The following RYR3 variants were observed in gnomAD, a reference collection of about 807,000 sequenced individuals.
The protein encoded by RYR3 is ryanodine receptor 3.
A neutral mutation model predicts 584.3 loss-of-function variants in RYR3; 207 were observed. The observed-to-expected ratio is 0.35, with a 90% CI of 0.32 to 0.40. RYR3 has a LOEUF of 0.40. RYR3 is among the 10% of genes least tolerant of loss of function. RYR3 has a pLI of 1.00. For missense variants in RYR3, 5,616 were observed against 6,089.2 expected (o/e 0.92, Z 2.59); for synonymous variants, 2,416 against 2,248.5 (o/e 1.07, Z -2.11).
chr15:33,687,739 A>C (rs1398950268), intron 38 of RYR3, among the ~76,000 whole-genome samples: 1 of 152,200 alleles, frequency 6.6e-6, no homozygotes, highest in African/African-American at 2.4e-5. Flanking sequence ...AACAGAACAG[A>C]GGCCTCAGAA....
intron 1 of RYR3, among the ~76,000 whole-genome samples, chr15:33,316,202 A>G: frequency 6.6e-6 from 1 of 152,202 alleles, no homozygotes; most frequent in East Asian, 1.9e-4. Flanking sequence ...TATTTAAATA[A>G]GGCATAGCTA....
chr15:33,662,588 T>C lies in RYR3; in HGVS notation c.5058T>C (p.Ile1686=). The C allele has an allele frequency of 6.2e-7, 1 of 1,613,948 alleles. No individual in the cohort carries two copies. The highest frequency in any genetic ancestry group is 8.5e-7 in the Non-Finnish European group (1 of 1,179,878). ...ATCACCAAAAGCAGAGCCCCGAGAT[T>C]CCCTTGGAGAGTCTCAGGACGAAGG... ...GEDHQKQSPE[I]PLESLRTKAL... is the part of the protein sequence containing the mutation. Residue 1686 remains isoleucine, a synonymous_variant, in exon 35 of 104, where the codon ATT becomes ATC. Transcript: ENST00000634891.
At position 33,790,294 on chromosome 15, in the gene RYR3, T is replaced by TTTTGTTTG. The variant is rs140040670; in HGVS notation, c.9830+1860_9830+1867dup. 3.2e-3 allele frequency among the ~76,000 whole-genome samples: 475 copies of TTTTGTTTG among 150,292 alleles called. 1 individual carries two copies. The highest frequency in any genetic ancestry group is 0.031 in the Middle Eastern group (9 of 294). On this transcript the variant is annotated intron_variant, in intron 67 of 103. Transcript: ENST00000634891. Reference sequence around the variant, plus strand: ...AGGCGTGAGCCACCTTGCCCAGCCCTTTTGTTTGTTTGTTTGTTTGTTTGT... The same window carrying TTTTGTTTG: ...AGGCGTGAGCCACCTTGCCCAGCCCTTTTGTTTGTTTGTTTGTTTGTTTGTTTGTTTGT...
At chr15:33,850,204 C>A (rs1050056539) in intron 94 of RYR3, 2 of 151,912 alleles carry the variant, frequency 1.3e-5, no homozygotes, top group Non-Finnish European at 2.9e-5. Flanking sequence ...CATAGTGAAA[C>A]CCCGTCTCTA....
rs749768239 is a variant in RYR3, at chr15:33,859,760, A to G, written c.14299+29A>G. On this transcript the variant is annotated intron_variant, in intron 100 of 103. Coordinates refer to ENST00000634891, the MANE Select transcript of RYR3 (RefSeq NM_001036.6). ...TGATTGCCAATTGTGTTGAGTATGA[A>G]CAGGGTTTAATCTAGTTCTTTTTGC... 6 of 1,585,058 alleles carry G rather than the reference A, an allele frequency of 3.8e-6. No individual in the cohort carries two copies. In the South Asian group the frequency reaches 6.8e-5, roughly 18 times the overall value.
chr15:33,542,709 G>A (rs1222509786), intron 7 of RYR3, among the ~76,000 whole-genome samples: 1 of 152,030 alleles, frequency 6.6e-6, no homozygotes, highest in Non-Finnish European at 1.5e-5. Flanking sequence ...AGCCCCTAAA[G>A]TGATCTAATT....
chr15:33,663,425 C>A, intron 35 of RYR3, 112 bp from the exon 36 acceptor site: 88 of 864,058 alleles, frequency 1.0e-4, no homozygotes. Flanking sequence ...TTTATGGCTA[C>A]TGTGTGGCAA....
chr15:33,451,805 T>C (rs958649153), intron 1 of RYR3, among the ~76,000 whole-genome samples: 1 of 152,400 alleles, frequency 6.6e-6, no homozygotes. Flanking sequence ...ATGATTGTTA[T>C]TCTTCACAGT....
intron 1 of RYR3, among the ~76,000 whole-genome samples, chr15:33,333,688 G>T (rs1044749525): frequency 4.5e-4 from 68 of 152,246 alleles, no homozygotes; most frequent in African/African-American, 1.3e-3. Context: ...TGGAAGTTCT[G>T]GCCGGGACAA....
rs181037628 is a variant in RYR3 at position 33,632,309 on chromosome 15, C to T, written c.2868-640C>T. ...AATCTGCTTTCCTAAGGTTTCACTC[C>T]GCAGTGTGCCCTAGTCTTCTGCATT... On this transcript the variant is annotated intron_variant, in intron 23 of 103. Transcript: ENST00000634891. 2.7e-3 allele frequency among the ~76,000 whole-genome samples: 412 copies of T among 152,306 alleles called. 2 individuals are homozygous for T. The highest frequency in any genetic ancestry group is 4.5e-3 in the Non-Finnish European group (309 of 68,016).
intron 1 of RYR3, among the ~76,000 whole-genome samples, chr15:33,468,796 A>T (rs1052069745): frequency 2.0e-5 from 3 of 152,180 alleles, no homozygotes; most frequent in Admixed American, 1.3e-4. Context: ...TGTGAATCAG[A>T]TGTGATCCTG....
At chr15:33,738,355 C>A in intron 49 of RYR3, 95 bp from the exon 50 acceptor site, 1 of 1,262,556 alleles carries the variant, frequency 7.9e-7, no homozygotes, top group Non-Finnish European at 1.1e-6. Flanking sequence ...TTCTCATGGT[C>A]TCTGCTTACT....
At position 33,854,594 on chromosome 15, in the gene RYR3, C is replaced by T; in HGVS notation, c.13860+145C>T. The T allele has an allele frequency of 5.7e-6, 6 of 1,061,428 alleles. No homozygotes were observed. In the South Asian group the frequency reaches 6.3e-5, roughly 11 times the overall value. 65.8% of individuals were successfully genotyped at this position (1,061,428 alleles called of 1,614,324 possible). A position where few individuals can be genotyped will look rare whatever the true frequency, so the allele number is the denominator to read the frequency against. ...TATACGTGCTGGGGGAACACTTATA[C>T]AATGGTATAAGGTAGATGGGGCTCA... On this transcript the variant is annotated intron_variant, in intron 97 of 103. Transcript: ENST00000634891.
At chr15:33,552,323 A>G (rs1197347167) in intron 10 of RYR3, among the ~76,000 whole-genome samples, 1 of 152,068 alleles carries the variant, frequency 6.6e-6, no homozygotes, top group Admixed American at 6.5e-5. Flanking sequence ...ACTTGGCATC[A>G]CTTCTGGCCT....
intron 1 of RYR3, among the ~76,000 whole-genome samples, chr15:33,467,944 G>A (rs953504074): frequency 1.1e-4 from 16 of 152,108 alleles, no homozygotes; most frequent in East Asian, 5.8e-4. Context: ...GACAGGGCTG[G>A]GAGCATCTAT....
chr15:33,603,000 T>C, intron 17 of RYR3, 123 bp from the exon 18 acceptor site: 2 of 1,003,272 alleles, frequency 2.0e-6, no homozygotes, highest in South Asian at 1.6e-5. Context: ...TTGAGCAATA[T>C]GAAATACACA....
At chr15:33,403,454 C>T (rs1042877795) in intron 1 of RYR3, among the ~76,000 whole-genome samples, 1 of 152,072 alleles carries the variant, frequency 6.6e-6, no homozygotes, top group African/African-American at 2.4e-5. Context: ...TTTGAGTAAT[C>T]GGAGATGAAT....
chr15:33,618,577 A>G (rs2060566161), intron 19 of RYR3, among the ~76,000 whole-genome samples: 1 of 152,244 alleles, frequency 6.6e-6, no homozygotes, highest in African/African-American at 2.4e-5. Flanking sequence ...TGCAATTATG[A>G]ATCGTGACTT....
At chr15:33,714,909 A>C (rs961376210) in intron 43 of RYR3, among the ~76,000 whole-genome samples, 2 of 152,254 alleles carry the variant, frequency 1.3e-5, no homozygotes, top group Non-Finnish European at 2.9e-5. Context: ...GTATGGAATA[A>C]TTACTAAAAA....
Sources: allele counts gnomAD v4.1 joint callset (sites outside exome capture counted in the v4.1 genomes callset), GRCh38; gene constraint gnomAD v4.1.1; transcripts MANE v1.5; gene names NCBI Gene and HGNC (gene_info 2026-07-23, HGNC 2026-07-21).